Variants in SLC24A2 observed in about 807,000 individuals in gnomAD.
The protein encoded by SLC24A2 is sodium/potassium/calcium exchanger 2.
In SLC24A2, 36 loss-of-function variants were observed where a neutral mutation model predicts 62.0. The ratio of observed to expected loss-of-function variants is 0.58; its 90% CI spans 0.44 to 0.77. SLC24A2 has a LOEUF of 0.77. Among genes scored for constraint, SLC24A2 ranks in the 30% least tolerant of loss-of-function variants. The pLI, the probability that SLC24A2 is intolerant of heterozygous loss-of-function variation, is 0.00. For synonymous variants in SLC24A2, 358 were observed against 294.0 expected (o/e 1.22, Z -2.23); for missense variants, 846 against 817.9 (o/e 1.03, Z -0.42).
intron 8 of SLC24A2, among the ~76,000 whole-genome samples, chr9:19,532,873 A>G (rs927265514): frequency 2.0e-5 from 3 of 152,216 alleles, no homozygotes; most frequent in African/African-American, 7.2e-5. Context: ...ATCTCATTAG[A>G]TGCATTCTTG....
At chr9:19,933,152 G>T in the SLC24A2 span, among the ~76,000 whole-genome samples, 1 of 152,184 alleles carries the variant, frequency 6.6e-6, no homozygotes, top group African/African-American at 2.4e-5. Flanking sequence ...GAGGAAGCAG[G>T]CTTATAGTGG....
At chr9:19,723,487 C>T (rs752855651) in intron 2 of SLC24A2, among the ~76,000 whole-genome samples, 1 of 152,142 alleles carries the variant, frequency 6.6e-6, no homozygotes, top group Non-Finnish European at 1.5e-5. Flanking sequence ...AGGTTCCCCA[C>T]CAAACCGTCT....
intron 2 of SLC24A2, among the ~76,000 whole-genome samples, chr9:19,704,520 T>C (rs1265743457): frequency 6.6e-6 from 1 of 152,240 alleles, no homozygotes; most frequent in Non-Finnish European, 1.5e-5. Flanking sequence ...TTGCATCTAT[T>C]ATGAACATGC....
chr9:20,211,764 C>A, the SLC24A2 span, among the ~76,000 whole-genome samples: 2 of 151,862 alleles, frequency 1.3e-5, no homozygotes, highest in Non-Finnish European at 2.9e-5. Context: ...GGAAAGGGAA[C>A]ATAAAAAATT....
intron 8 of SLC24A2, among the ~76,000 whole-genome samples, chr9:19,540,400 G>T (rs1314913633): frequency 6.8e-5 from 10 of 146,958 alleles, no homozygotes; most frequent in African/African-American, 2.6e-4. Context: ...GGGCAGGCCT[G>T]GTGGTGACAA....
chr9:20,001,288 T>A, the SLC24A2 span, among the ~76,000 whole-genome samples: 2 of 152,192 alleles, frequency 1.3e-5, no homozygotes, highest in Admixed American at 6.5e-5. Flanking sequence ...TGGAGAGTGC[T>A]CTGCATGCCT....
At chr9:20,159,531 G>A in the SLC24A2 span, among the ~76,000 whole-genome samples, 76 of 151,626 alleles carry the variant, frequency 5.0e-4, no homozygotes, top group Middle Eastern at 6.8e-3. Flanking sequence ...ATTTGATTGC[G>A]GTAAATGATA....
At chr9:20,080,330 G>A in the SLC24A2 span, among the ~76,000 whole-genome samples, 1 of 152,168 alleles carries the variant, frequency 6.6e-6, no homozygotes, top group Non-Finnish European at 1.5e-5. Context: ...CCGCATATCT[G>A]CAACTATCTG....
chr9:19,642,264 C>T (rs528160825), intron 2 of SLC24A2, among the ~76,000 whole-genome samples: 2 of 152,276 alleles, frequency 1.3e-5, no homozygotes, highest in Admixed American at 1.3e-4. Flanking sequence ...ACAGCTGGAC[C>T]TGGGACCAGA....
intron 2 of SLC24A2, among the ~76,000 whole-genome samples, chr9:19,782,332 C>A (rs1214756021): frequency 6.6e-6 from 1 of 152,118 alleles, no homozygotes; most frequent in Non-Finnish European, 1.5e-5. Flanking sequence ...AAGAAGAGAG[C>A]CCCAAACATC....
chr9:19,708,647 C>A (rs1820611653), intron 2 of SLC24A2, among the ~76,000 whole-genome samples: 2 of 152,148 alleles, frequency 1.3e-5, no homozygotes, highest in East Asian at 1.9e-4. Context: ...CAAAAACAAG[C>A]AATGGGGAAA....
the SLC24A2 span, among the ~76,000 whole-genome samples, chr9:20,089,070 G>A: frequency 1.3e-5 from 2 of 152,086 alleles, no homozygotes; most frequent in Admixed American, 6.5e-5. Flanking sequence ...TGGGGCTATT[G>A]AGCTAGTAGC....
At chr9:19,840,672 T>C in the SLC24A2 span, among the ~76,000 whole-genome samples, 9 of 152,208 alleles carry the variant, frequency 5.9e-5, no homozygotes, top group Admixed American at 5.9e-4. Context: ...TTATTTTAAG[T>C]GTGTCATTCA....
the SLC24A2 span, among the ~76,000 whole-genome samples, chr9:20,120,921 T>C: frequency 2.1e-5 from 3 of 143,872 alleles, no homozygotes; most frequent in Non-Finnish European, 4.5e-5. Flanking sequence ...TTATTGCAAA[T>C]CAATTGATTG....
the SLC24A2 span, among the ~76,000 whole-genome samples, chr9:20,159,639 A>G: frequency 6.5e-4 from 99 of 151,678 alleles, 2 homozygotes; most frequent in South Asian, 0.02. Context: ...GAAAAGTCAA[A>G]TAAGATGATT....
At chr9:20,043,840 C>T in the SLC24A2 span, among the ~76,000 whole-genome samples, 1 of 152,188 alleles carries the variant, frequency 6.6e-6, no homozygotes, top group Non-Finnish European at 1.5e-5. Flanking sequence ...GTTGATAAAG[C>T]AGTGGCAGGG....
chr9:20,216,953 A>G, the SLC24A2 span, among the ~76,000 whole-genome samples: 1 of 152,148 alleles, frequency 6.6e-6, no homozygotes, highest in Non-Finnish European at 1.5e-5. Flanking sequence ...AATTTGGAGA[A>G]GGTTTGTCCC....
At chr9:20,198,328 C>T in the SLC24A2 span, among the ~76,000 whole-genome samples, 1 of 152,214 alleles carries the variant, frequency 6.6e-6, no homozygotes, top group Non-Finnish European at 1.5e-5. Context: ...GGCTGCCTGC[C>T]AGAGGCAGCT....
intron 8 of SLC24A2, among the ~76,000 whole-genome samples, chr9:19,532,275 T>C (rs1394930572): frequency 2.0e-5 from 3 of 152,082 alleles, no homozygotes; most frequent in Non-Finnish European, 4.4e-5. Flanking sequence ...TTTGTATTTT[T>C]AGTAGAGACA....
Sources: allele counts gnomAD v4.1 joint callset (sites outside exome capture counted in the v4.1 genomes callset), GRCh38; gene constraint gnomAD v4.1.1; transcripts MANE v1.5; gene names NCBI Gene and HGNC (gene_info 2026-07-23, HGNC 2026-07-21).